SLC1A3: variants seen among roughly 807,000 people sequenced by gnomAD.
The protein encoded by SLC1A3 is solute carrier family 1 member 3.
Under a neutral mutation model 48.1 loss-of-function variants are expected in SLC1A3, and 21 were observed. The observed-to-expected ratio is 0.44, with a 90% CI of 0.31 to 0.63. SLC1A3 has a LOEUF of 0.63. SLC1A3 is among the 20% of genes least tolerant of loss of function. The probability of loss-of-function intolerance (pLI) is 0.08; values close to 1 mark genes in which losing one functional copy is unlikely to be tolerated. For synonymous variants in SLC1A3, 239 were observed against 251.4 expected (o/e 0.95, Z 0.47); for missense variants, 546 against 689.0 (o/e 0.79, Z 2.32).
intron 9 of SLC1A3, 85 bp downstream of exon 9, chr5:36,684,083 A>G: frequency 1.3e-6 from 2 of 1,526,572 alleles, no homozygotes; most frequent in South Asian, 2.2e-5. Flanking sequence ...TGGCACATCT[A>G]CAGAAAGAAC....
intron 1 of SLC1A3, among the ~76,000 whole-genome samples, chr5:36,598,577 G>C (rs923703227): frequency 7.2e-5 from 11 of 152,208 alleles, no homozygotes; most frequent in Non-Finnish European, 1.6e-4. Context: ...GAAATATAAT[G>C]TGTTATATAC....
chr5:36,649,860 T>C (rs1023735367), intron 3 of SLC1A3, among the ~76,000 whole-genome samples: 5 of 152,238 alleles, frequency 3.3e-5, no homozygotes, highest in Admixed American at 6.5e-5. Context: ...TATTCTGATA[T>C]CCCAATATTC....
chr5:36,607,588 A>G (rs1739005010), intron 1 of SLC1A3, among the ~76,000 whole-genome samples: 1 of 152,246 alleles, frequency 6.6e-6, no homozygotes, highest in Non-Finnish European at 1.5e-5. Context: ...AGATTCCAGC[A>G]TGTGTGTCAC....
At chr5:36,625,869 C>A (rs1010386191) in intron 2 of SLC1A3, among the ~76,000 whole-genome samples, 2 of 152,156 alleles carry the variant, frequency 1.3e-5, no homozygotes, top group African/African-American at 4.8e-5. Context: ...GAAATAGAGA[C>A]ACATCCTAGA....
intron 3 of SLC1A3, among the ~76,000 whole-genome samples, chr5:36,637,877 C>T (rs1425489655): frequency 1.3e-5 from 2 of 151,900 alleles, no homozygotes; most frequent in African/African-American, 2.4e-5. Context: ...AATCCCTGCC[C>T]CCCACCCCAG....
chr5:36,608,328 G>A lies in SLC1A3; in HGVS notation c.-95-1G>A. 1 of 1,127,298 alleles carries A rather than the reference G, an allele frequency of 8.9e-7. No homozygotes were observed. Among genetic ancestry groups the A allele is most frequent in the Non-Finnish European group, 1.3e-6 (1 of 756,878 alleles). The allele number at this position is 1,127,298 out of a possible 1,614,324, so 69.8% of individuals were successfully genotyped here. A position where few individuals can be genotyped will look rare whatever the true frequency, so the allele number is the denominator to read the frequency against. On this transcript the variant is annotated splice_acceptor_variant, in intron 1 of 9. Transcript: ENST00000265113. LOFTEE classifies it low-confidence loss of function (5UTR_SPLICE). ...TCATGTCTCTTTTTCTCCCATTCTA[G>A]TTGTGTTTTCTAATACCAAAGAGGA...
chr5:36,609,391 C>A (rs1436929599), intron 2 of SLC1A3: 1 of 335,462 alleles, frequency 3.0e-6, no homozygotes, highest in Non-Finnish European at 4.2e-6. Flanking sequence ...CAAACCAATA[C>A]AGAAATCCTT....
intron 1 of SLC1A3, among the ~76,000 whole-genome samples, chr5:36,600,569 C>A (rs1738796384): frequency 6.6e-6 from 1 of 152,190 alleles, no homozygotes; most frequent in Non-Finnish European, 1.5e-5. Flanking sequence ...CTATTTCAAG[C>A]AAGTGTGATC....
intron 1 of SLC1A3, chr5:36,607,122 A>G (rs1422591189): frequency 6.6e-6 from 1 of 152,196 alleles, no homozygotes; most frequent in Non-Finnish European, 1.5e-5. Flanking sequence ...AGTCTTAAAC[A>G]AATTAGAAGT....
At chr5:36,597,648 G>A (rs1340133008) in intron 1 of SLC1A3, among the ~76,000 whole-genome samples, 1 of 152,030 alleles carries the variant, frequency 6.6e-6, no homozygotes. Flanking sequence ...TCCTGACTTG[G>A]AACTCTCTCC....
At chr5:36,635,271 GGTT>G (rs1252260168) in intron 3 of SLC1A3, among the ~76,000 whole-genome samples, 2 of 152,166 alleles carry the variant, frequency 1.3e-5, no homozygotes, top group African/African-American at 4.8e-5. Context: ...TGTGTCACAA[GGTT>G]GTTGTGAGGA....
intron 3 of SLC1A3, among the ~76,000 whole-genome samples, chr5:36,661,436 A>C (rs1194970018): frequency 6.6e-6 from 1 of 152,252 alleles, no homozygotes; most frequent in Non-Finnish European, 1.5e-5. Context: ...GAAAAGAAAC[A>C]AGGTGAACAT....
chr5:36,608,631 A>T, intron 2 of SLC1A3, 27 bp downstream of exon 2: 1 of 1,611,612 alleles, frequency 6.2e-7, no homozygotes, highest in South Asian at 1.1e-5. Context: ...AAAACAAAAA[A>T]ACCTGTATCT....
chr5:36,660,080 T>C (rs1328970848), intron 3 of SLC1A3, among the ~76,000 whole-genome samples: 1 of 152,238 alleles, frequency 6.6e-6, no homozygotes, highest in Non-Finnish European at 1.5e-5. Flanking sequence ...GCTGTCTTTT[T>C]AAATCATTTA....
At chr5:36,618,495 G>C (rs1279456109) in intron 2 of SLC1A3, among the ~76,000 whole-genome samples, 1 of 152,180 alleles carries the variant, frequency 6.6e-6, no homozygotes, top group Non-Finnish European at 1.5e-5. Flanking sequence ...GATGCAACCT[G>C]TCCACAAATA....
At chr5:36,647,472 T>C (rs17290638) in intron 3 of SLC1A3, among the ~76,000 whole-genome samples, 62,007 of 152,176 alleles carry the variant, frequency 0.41, 14,813 homozygotes, top group East Asian at 0.54. Context: ...AATTCAACTG[T>C]ATTTTTTGTT....
intron 3 of SLC1A3, among the ~76,000 whole-genome samples, chr5:36,635,014 C>T (rs965125581): frequency 2.6e-5 from 4 of 151,996 alleles, no homozygotes; most frequent in Admixed American, 6.6e-5. Context: ...CAAAATGAGT[C>T]GAAATCACTT....
At chr5:36,639,987 T>C (rs1228413194) in intron 3 of SLC1A3, among the ~76,000 whole-genome samples, 1 of 151,980 alleles carries the variant, frequency 6.6e-6, no homozygotes, top group Non-Finnish European at 1.5e-5. Context: ...AAAAAGATGC[T>C]GGAGTTTCTG....
intron 3 of SLC1A3, among the ~76,000 whole-genome samples, chr5:36,665,494 T>C (rs1741704059): frequency 6.6e-6 from 1 of 152,224 alleles, no homozygotes; most frequent in Admixed American, 6.5e-5. Flanking sequence ...GTAGATATTG[T>C]TAGTGTATTT....
Sources: gnomAD v4.1 joint callset for allele counts (sites outside exome capture counted in the v4.1 genomes callset) on GRCh38, gnomAD v4.1.1 for gene constraint, MANE v1.5 for transcripts, NCBI Gene and HGNC (gene_info 2026-07-23, HGNC 2026-07-21) for gene names.